The following TBCE variants were observed in gnomAD, a reference collection of about 807,000 sequenced individuals.
The protein encoded by TBCE is tubulin folding cofactor E, also known as tubulin-specific chaperone E.
TBCE carries 53 observed loss-of-function variants against 77.0 expected under a neutral mutation model. The ratio of observed to expected loss-of-function variants is 0.69; its 90% CI spans 0.55 to 0.87. TBCE has a LOEUF of 0.87. TBCE is among the 40% of genes least tolerant of loss of function. The probability of loss-of-function intolerance (pLI) is 0.00; values close to 1 mark genes in which losing one functional copy is unlikely to be tolerated. For missense variants in TBCE, 624 were observed against 622.4 expected, an observed-to-expected ratio of 1.00 and a Z score of -0.03; for synonymous variants, 235 against 241.3, an observed-to-expected ratio of 0.97 and a Z score of 0.24.
At chr1:235,421,035 C>T (rs1304493693) in intron 5 of TBCE, among the ~76,000 whole-genome samples, 2 of 152,224 alleles carry the variant, frequency 1.3e-5, no homozygotes, top group South Asian at 2.1e-4. Context: ...AATCTCTTTT[C>T]TCTACCTGCT....
chr1:235,395,596 G>A (rs1388849430), intron 2 of TBCE, among the ~76,000 whole-genome samples: 4 of 148,390 alleles, frequency 2.7e-5, no homozygotes, highest in African/African-American at 5.0e-5. Context: ...CCAGGCTGGA[G>A]TGCAGTGGTG....
Position 235,437,472 on chromosome 1 carries a change from G to T in TBCE, c.1114G>T (p.Glu372Ter), listed in dbSNP as rs764775810. ...CCAGCTGAAGACGCTGAACAAATGT[G>T]AGGTGAGCACTGGCGTCATGACTAG... ...IGQLKTLNKC[E>*]ILPEERRRAE... The change falls in exon 12 of 17, where the codon GAG (glutamate) becomes TAG (stop). Residue 372 changes from glutamate to a stop codon, truncating the protein, a stop_gained and splice_region_variant. Coordinates refer to ENST00000642610, the MANE Select transcript of TBCE (RefSeq NM_003193.5). LOFTEE classifies it high-confidence loss of function. The T allele has an allele frequency of 1.2e-6, 2 of 1,613,958 alleles. No homozygotes were observed. Among genetic ancestry groups the T allele is most frequent in the Admixed American group, 3.3e-5 (2 of 60,004 alleles).
intron 13 of TBCE, among the ~76,000 whole-genome samples, chr1:235,440,136 A>C (rs543699420): frequency 1.6e-4 from 24 of 151,754 alleles, no homozygotes; most frequent in South Asian, 6.3e-4. Flanking sequence ...ACACCCGGCT[A>C]ATTTTTTGTA....
intron 2 of TBCE, among the ~76,000 whole-genome samples, chr1:235,399,350 C>T (rs575968735): frequency 3.9e-5 from 6 of 152,258 alleles, no homozygotes; most frequent in African/African-American, 1.2e-4. Context: ...GTTCTCAACT[C>T]CCATACCTCT....
At chr1:235,430,491 T>G in intron 6 of TBCE, 4 of 446,014 alleles carry the variant, frequency 9.0e-6, no homozygotes, top group South Asian at 8.6e-5. Flanking sequence ...TTTACACAGC[T>G]GATACCAAAA....
rs373773440 is a variant in TBCE, at chr1:235,450,276, G to A, written c.*1514G>A. The A allele has an allele frequency of 8.1e-6, 13 of 1,613,734 alleles. No individual in the cohort carries two copies. Among genetic ancestry groups the A allele is most frequent in the Middle Eastern group, 3.3e-4 (2 of 6,082 alleles). ...TTTCCACAGTTCCGTCAGTTCCCAC[G>A]GAGAATACTGAGGAGAAGACAGCAT... On this transcript the variant is annotated 3_prime_UTR_variant, in exon 17 of 17. Coordinates refer to ENST00000642610, the MANE Select transcript of TBCE (RefSeq NM_003193.5).
chr1:235,382,139 T>G (rs1399456748), intron 2 of TBCE, among the ~76,000 whole-genome samples: 2 of 151,676 alleles, frequency 1.3e-5, no homozygotes, highest in African/African-American at 2.4e-5. Flanking sequence ...ATAAAGGACA[T>G]GAACTCATCA....
intron 3 of TBCE, among the ~76,000 whole-genome samples, chr1:235,412,081 A>G (rs1370092150): frequency 1.2e-5 from 1 of 80,570 alleles, no homozygotes; most frequent in East Asian, 4.3e-4. Flanking sequence ...CCAGGACACC[A>G]CACTCTCCAA....
chr1:235,404,309 G>A (rs920688279), intron 3 of TBCE, among the ~76,000 whole-genome samples: 1 of 151,854 alleles, frequency 6.6e-6, no homozygotes, highest in African/African-American at 2.4e-5. Context: ...GTGTGGGGTG[G>A]TACGGGTGGT....
rs1393991210 is a variant in TBCE, at chr1:235,438,791, G to C, written c.1139G>C (p.Arg380Thr). The C allele has an allele frequency of 6.2e-7, 1 of 1,614,146 alleles. No individual in the cohort carries two copies. Among genetic ancestry groups the C allele is most frequent in the African/African-American group, 1.3e-5 (1 of 75,024 alleles). The change falls in exon 13 of 17, where the codon AGA becomes ACA. Residue 380 changes from arginine to threonine, a missense_variant. By Grantham distance (71) the Arg-to-Thr change is moderately conservative. Coordinates refer to ENST00000642610, the MANE Select transcript of TBCE (RefSeq NM_003193.5). ...KCEILPEERR[R>T]AELDYRKAFG... Reference sequence around the variant, plus strand: ...TAGATTCTCCCCGAGGAGAGGCGGAGAGCTGAGCTTGACTACCGAAAAGCT... The same window carrying C: ...TAGATTCTCCCCGAGGAGAGGCGGACAGCTGAGCTTGACTACCGAAAAGCT...
At chr1:235,437,821 AT>A (rs954771102) in intron 12 of TBCE, among the ~76,000 whole-genome samples, 1 of 148,910 alleles carries the variant, frequency 6.7e-6, no homozygotes, top group African/African-American at 2.5e-5. Flanking sequence ...CCCTGTCTTA[AT>A]TTAAAAAAAA....
intron 1 of TBCE, among the ~76,000 whole-genome samples, chr1:235,372,759 CTAAAAATACAAAAAATTAGCCGGGCGTGG>C (rs1008721519): frequency 1.3e-5 from 2 of 151,632 alleles, no homozygotes; most frequent in Admixed American, 1.3e-4. Context: ...CACGTCTCTA[CTAAAAATACAAAAAATTAGCCGGGCGTGG>C]TGGTGGGTGC....
At chr1:235,436,523 A>G in intron 10 of TBCE, 21 bp from the exon 11 acceptor site, 2 of 1,613,254 alleles carry the variant, frequency 1.2e-6, no homozygotes, top group South Asian at 2.2e-5. Flanking sequence ...CTACTGTGTA[A>G]CTTCATTCCT....
chr1:235,421,024 G>GA (rs1490531432), intron 5 of TBCE, among the ~76,000 whole-genome samples: 2 of 152,190 alleles, frequency 1.3e-5, no homozygotes, highest in Admixed American at 1.3e-4. Flanking sequence ...ATGAAGTTTG[G>GA]AATCTCTTTT....
chr1:235,420,569 G>A (rs1233624120), intron 5 of TBCE, among the ~76,000 whole-genome samples: 1 of 143,550 alleles, frequency 7.0e-6, no homozygotes, highest in African/African-American at 2.6e-5. Context: ...TGCAACCTCC[G>A]CCTCCCGGGT....
At chr1:235,405,814 A>G (rs1321099924) in intron 3 of TBCE, among the ~76,000 whole-genome samples, 1 of 152,210 alleles carries the variant, frequency 6.6e-6, no homozygotes, top group Non-Finnish European at 1.5e-5. Context: ...TGTTTACACC[A>G]GCATCACCAC....
At chr1:235,448,055 A>G (rs1682545815) in intron 15 of TBCE, among the ~76,000 whole-genome samples, 1 of 152,068 alleles carries the variant, frequency 6.6e-6, no homozygotes, top group Non-Finnish European at 1.5e-5. Context: ...CTAAAAATAC[A>G]AAAGTTAGCT....
At chr1:235,411,414 GCA>G (rs1205972066) in intron 3 of TBCE, among the ~76,000 whole-genome samples, 10 of 152,132 alleles carry the variant, frequency 6.6e-5, no homozygotes, top group Non-Finnish European at 1.5e-4. Context: ...AGTCAGTGCT[GCA>G]GACTATTTCC....
intron 2 of TBCE, among the ~76,000 whole-genome samples, chr1:235,389,073 C>A (rs961953615): frequency 2.0e-5 from 3 of 152,168 alleles, no homozygotes; most frequent in African/African-American, 7.2e-5. Context: ...TTACCAAAAG[C>A]CAGTCCTCCC....
Sources: gnomAD v4.1 joint callset for allele counts (sites outside exome capture counted in the v4.1 genomes callset) on GRCh38, gnomAD v4.1.1 for gene constraint, MANE v1.5 for transcripts, NCBI Gene and HGNC (gene_info 2026-07-23, HGNC 2026-07-21) for gene names.